Variants in MYO10 observed in about 807,000 individuals in gnomAD.
The protein encoded by MYO10 is myosin X, also known as unconventional myosin-X.
Under a neutral mutation model 257.3 loss-of-function variants are expected in MYO10, and 133 were observed. That is an observed-to-expected ratio of 0.52 (90% CI 0.45 to 0.60). MYO10 has a LOEUF of 0.60. Ranked by LOEUF, MYO10 falls within the 20% of genes least tolerant of loss-of-function variation. The probability of loss-of-function intolerance (pLI) is 0.00; values close to 1 mark genes in which losing one functional copy is unlikely to be tolerated. For missense variants in MYO10, 2,399 were observed against 2,635.7 expected, an observed-to-expected ratio of 0.91 and a Z score of 1.97; for synonymous variants, 1,104 against 1,028.6, an observed-to-expected ratio of 1.07 and a Z score of -1.40.
In MYO10 at chr5:16,700,832, GATCTCTAAGAC is replaced by G. The variant is rs1738011533; in HGVS notation, c.3432+120_3432+130del. On this transcript the variant is annotated intron_variant, in intron 25 of 40. Transcript: ENST00000513610. ...ATGGAATAAGCAAAAGGTTTAAGAT[GATCTCTAAGAC>G]CACGACTCTGCAATCTTTGCACAGA... The G allele has an allele frequency of 4.3e-6, 5 of 1,150,046 alleles. No individual in the cohort carries two copies. The South Asian group carries it at 6.6e-5, about 15-fold the overall frequency. The allele number at this position is 1,150,046 out of a possible 1,614,324, so 71.2% of individuals were successfully genotyped here.
intron 1 of MYO10, among the ~76,000 whole-genome samples, chr5:16,909,251 G>A (rs528162120): frequency 5.9e-5 from 9 of 152,224 alleles, no homozygotes; most frequent in Admixed American, 2.6e-4. Flanking sequence ...GCTCACGCCC[G>A]TAATCCCAGA....
chr5:16,761,986 A>G, intron 16 of MYO10, 59 bp downstream of exon 16: 1 of 1,454,654 alleles, frequency 6.9e-7, no homozygotes, highest in Non-Finnish European at 9.1e-7. Flanking sequence ...TTCTGAAACC[A>G]CTGTTTTCTC....
chr5:16,830,111 C>T (rs747144582), intron 2 of MYO10, among the ~76,000 whole-genome samples: 2 of 151,974 alleles, frequency 1.3e-5, no homozygotes, highest in Non-Finnish European at 2.9e-5. Context: ...TGGTGCGCGC[C>T]TTTAGTCCCA....
intron 27 of MYO10, among the ~76,000 whole-genome samples, chr5:16,692,200 C>T (rs1364336241): frequency 1.3e-5 from 2 of 152,178 alleles, no homozygotes; most frequent in Admixed American, 1.3e-4. Flanking sequence ...GTGTGCGGAT[C>T]ACCTGAGGTT....
intron 19 of MYO10, among the ~76,000 whole-genome samples, chr5:16,730,051 T>A (rs928861898): frequency 1.7e-4 from 26 of 152,046 alleles, no homozygotes; most frequent in Admixed American, 5.2e-4. Flanking sequence ...GAGGGTGAGG[T>A]CTTTATTTGC....
At chr5:16,682,606 A>T (rs1055252795) in intron 30 of MYO10, among the ~76,000 whole-genome samples, 1 of 152,148 alleles carries the variant, frequency 6.6e-6, no homozygotes, top group Non-Finnish European at 1.5e-5. Flanking sequence ...CCTCTCTCAT[A>T]GGCCCTTGCT....
intron 19 of MYO10, among the ~76,000 whole-genome samples, chr5:16,730,008 C>G (rs1739520808): frequency 6.6e-6 from 1 of 152,070 alleles, no homozygotes; most frequent in African/African-American, 2.4e-5. Context: ...TGGTCCCAAC[C>G]CTGATTCTTT....
chr5:16,898,638 AC>A (rs1745281121), intron 1 of MYO10, among the ~76,000 whole-genome samples: 1 of 151,320 alleles, frequency 6.6e-6, no homozygotes, highest in South Asian at 2.1e-4. Flanking sequence ...CGAACTCCTG[AC>A]CTCAGGTGAT....
intron 19 of MYO10, among the ~76,000 whole-genome samples, chr5:16,750,565 G>T (rs539474141): frequency 1.3e-5 from 2 of 152,170 alleles, no homozygotes; most frequent in Non-Finnish European, 2.9e-5. Flanking sequence ...CCACTAGCCC[G>T]GCGAGTGTGT....
At chr5:16,898,780 CCCAAATAT>C (rs1005368766) in intron 1 of MYO10, among the ~76,000 whole-genome samples, 6 of 151,860 alleles carry the variant, frequency 4.0e-5, no homozygotes, top group Admixed American at 1.3e-4. Context: ...ATTTCAAGTG[CCCAAATAT>C]CACAAAGTCA....
intron 33 of MYO10, among the ~76,000 whole-genome samples, chr5:16,677,638 A>G (rs1418358787): frequency 6.6e-6 from 1 of 151,734 alleles, no homozygotes; most frequent in Non-Finnish European, 1.5e-5. Context: ...GATGGTCTCA[A>G]TCTCCTGATT....
At chr5:16,845,049 G>GATGT (rs1187348001) in intron 2 of MYO10, among the ~76,000 whole-genome samples, 2 of 151,738 alleles carry the variant, frequency 1.3e-5, no homozygotes, top group Non-Finnish European at 2.9e-5. Flanking sequence ...ACTTTAACTT[G>GATGT]ATGTATTAAA....
intron 19 of MYO10, among the ~76,000 whole-genome samples, chr5:16,716,705 G>C (rs923330030): frequency 6.6e-6 from 1 of 151,938 alleles, no homozygotes; most frequent in Admixed American, 6.6e-5. Flanking sequence ...GGCTGGGGGT[G>C]GTAGGAATCC....
At chr5:16,713,568 G>A in intron 19 of MYO10, 1 of 867,422 alleles carries the variant, frequency 1.2e-6, no homozygotes, top group Non-Finnish European at 1.4e-6. Context: ...GAGGGAGGGA[G>A]CAAGGAGCGG....
intron 2 of MYO10, among the ~76,000 whole-genome samples, chr5:16,867,890 C>T (rs895362657): frequency 6.6e-6 from 1 of 152,190 alleles, no homozygotes; most frequent in Non-Finnish European, 1.5e-5. Flanking sequence ...AGGTTGTCTA[C>T]TTGCAGATTT....
chr5:16,861,871 G>A (rs551568097), intron 2 of MYO10, among the ~76,000 whole-genome samples: 5 of 152,252 alleles, frequency 3.3e-5, no homozygotes, highest in East Asian at 3.9e-4. Context: ...ACTCCTGGAC[G>A]TGTTATTACA....
intron 19 of MYO10, among the ~76,000 whole-genome samples, chr5:16,728,196 T>C (rs926025245): frequency 1.1e-4 from 16 of 152,174 alleles, no homozygotes; most frequent in African/African-American, 3.4e-4. Context: ...CCGCTCCAAC[T>C]TCCTCTCTCT....
intron 1 of MYO10, among the ~76,000 whole-genome samples, chr5:16,891,220 A>C (rs922919101): frequency 6.6e-5 from 10 of 151,516 alleles, no homozygotes; most frequent in African/African-American, 2.4e-4. Context: ...TCTTGAACTC[A>C]GGAGGCAGAG....
intron 21 of MYO10, 23 bp downstream of exon 21, chr5:16,710,885 G>A (rs374211919): frequency 1.2e-4 from 187 of 1,596,040 alleles, no homozygotes; most frequent in Non-Finnish European, 1.5e-4. Context: ...TTCGGTGGGA[G>A]TTGCTCTTTC....
Sources: gnomAD v4.1 joint callset for allele counts (sites outside exome capture counted in the v4.1 genomes callset) on GRCh38, gnomAD v4.1.1 for gene constraint, MANE v1.5 for transcripts, NCBI Gene and HGNC (gene_info 2026-07-23, HGNC 2026-07-21) for gene names.